DLG2: variants seen among roughly 807,000 people sequenced by gnomAD.
The protein encoded by DLG2 is disks large homolog 2.
A neutral mutation model predicts 132.5 loss-of-function variants in DLG2; 45 were observed. The observed-to-expected ratio is 0.34, with a 90% CI of 0.27 to 0.44. The LOEUF is 0.44. Among genes scored for constraint, DLG2 ranks in the 20% least tolerant of loss-of-function variants. The pLI is 1.00. For missense variants in DLG2, 1,045 were observed against 1,196.9 expected, an observed-to-expected ratio of 0.87 and a Z score of 1.87; for synonymous variants, 424 against 419.6, an observed-to-expected ratio of 1.01 and a Z score of -0.13.
intron 8 of DLG2, among the ~76,000 whole-genome samples, chr11:84,225,968 G>C (rs553466786): frequency 1.7e-4 from 26 of 152,034 alleles, no homozygotes; most frequent in African/African-American, 6.3e-4. Flanking sequence ...AGGCCACCAC[G>C]CCTGGCTAAT....
chr11:84,560,886 C>G (rs2099427261), intron 6 of DLG2, among the ~76,000 whole-genome samples: 1 of 152,032 alleles, frequency 6.6e-6, no homozygotes, highest in Non-Finnish European at 1.5e-5. Context: ...CTTGATACTG[C>G]ATTTTTAAAT....
At chr11:84,545,222 CA>C (rs1442863521) in intron 6 of DLG2, 1 of 465,606 alleles carries the variant, frequency 2.1e-6, no homozygotes, top group African/African-American at 2.0e-5. Context: ...TGTCCTTCAT[CA>C]CCAGAGGGGC....
intron 6 of DLG2, among the ~76,000 whole-genome samples, chr11:84,614,247 T>C (rs1449166944): frequency 1.3e-5 from 2 of 152,144 alleles, no homozygotes; most frequent in African/African-American, 4.8e-5. Context: ...TAATAGAGGC[T>C]GGGAAGATTG....
intron 6 of DLG2, among the ~76,000 whole-genome samples, chr11:85,067,179 TC>T (rs1455621164): frequency 1.3e-5 from 2 of 151,898 alleles, no homozygotes; most frequent in African/African-American, 4.8e-5. Flanking sequence ...TTCTGTGGGA[TC>T]AGTGGTGATA....
chr11:85,389,106 A>C (rs1156842072), intron 3 of DLG2, among the ~76,000 whole-genome samples: 1 of 152,138 alleles, frequency 6.6e-6, no homozygotes, highest in African/African-American at 2.4e-5. Context: ...TTTTTAAAAA[A>C]GATACAGGAT....
At position 84,311,739 on chromosome 11, in the gene DLG2, G is replaced by A. The variant is rs142199812; in HGVS notation, c.520-60448C>T. On this transcript the variant is annotated intron_variant, in intron 7 of 27. Transcript: ENST00000376104. ...ATGAAGTCCTCATCAAGGTCCACCC[G>A]GCTATCTCTGACCAGGCCCCACCCT... Among the ~76,000 whole-genome samples, 363 of 152,228 alleles carry A rather than the reference G, an allele frequency of 2.4e-3. 1 individual carries two copies. Among genetic ancestry groups the A allele is most frequent in the African/African-American group, 8.5e-3 (351 of 41,530 alleles).
intron 9 of DLG2, among the ~76,000 whole-genome samples, chr11:84,120,845 CTT>C (rs1174301658): frequency 6.6e-6 from 1 of 152,150 alleles, no homozygotes; most frequent in Non-Finnish European, 1.5e-5. Context: ...AGTGTGTAAA[CTT>C]ATATTATGTA....
At chr11:85,553,389 A>T (rs1037368654) in intron 3 of DLG2, among the ~76,000 whole-genome samples, 1 of 151,618 alleles carries the variant, frequency 6.6e-6, no homozygotes, top group African/African-American at 2.4e-5. Flanking sequence ...TAAATATATA[A>T]ATAATAGACA....
At chr11:83,558,142 T>C (rs1294682352) in intron 19 of DLG2, among the ~76,000 whole-genome samples, 1 of 152,204 alleles carries the variant, frequency 6.6e-6, no homozygotes, top group Admixed American at 6.5e-5. Flanking sequence ...GCTCTAGTTG[T>C]AGTCCCTTAC....
intron 10 of DLG2, among the ~76,000 whole-genome samples, chr11:84,060,261 G>A (rs1040345703): frequency 6.6e-6 from 1 of 152,086 alleles, no homozygotes; most frequent in African/African-American, 2.4e-5. Context: ...GCAGTGAGCC[G>A]AGATCACGCC....
chr11:84,516,783 A>G (rs1291995235), intron 7 of DLG2, among the ~76,000 whole-genome samples: 4 of 151,344 alleles, frequency 2.6e-5, no homozygotes, highest in South Asian at 4.1e-4. Context: ...AAGAAACTAC[A>G]GAACAATATT....
intron 18 of DLG2, among the ~76,000 whole-genome samples, chr11:83,698,294 A>G (rs553996776): frequency 6.6e-6 from 1 of 152,336 alleles, no homozygotes; most frequent in South Asian, 2.1e-4. Context: ...ACTGAAATGA[A>G]ATATATAGAT....
chr11:85,237,425 G>A (rs1196684807), intron 4 of DLG2, among the ~76,000 whole-genome samples: 1 of 151,894 alleles, frequency 6.6e-6, no homozygotes, highest in Non-Finnish European at 1.5e-5. Context: ...TTCATATAGG[G>A]TCTGTGAAAA....
intron 4 of DLG2, among the ~76,000 whole-genome samples, chr11:85,181,469 T>C (rs1292685974): frequency 2.0e-5 from 3 of 151,800 alleles, no homozygotes; most frequent in South Asian, 2.1e-4. Context: ...TAATTTTCTA[T>C]GACTTACTCT....
intron 6 of DLG2, among the ~76,000 whole-genome samples, chr11:84,848,647 A>T (rs1343649914): frequency 6.6e-6 from 1 of 152,152 alleles, no homozygotes; most frequent in Non-Finnish European, 1.5e-5. Context: ...TCCCTGGTTC[A>T]TAGTTCTATA....
intron 3 of DLG2, among the ~76,000 whole-genome samples, chr11:85,560,005 C>A (rs200781926): frequency 6.6e-6 from 1 of 151,536 alleles, no homozygotes; most frequent in African/African-American, 2.4e-5. Context: ...ATGAGAAAAC[C>A]ATTTATTATA....
intron 19 of DLG2, among the ~76,000 whole-genome samples, chr11:83,624,684 A>G (rs1336103142): frequency 6.6e-6 from 1 of 152,238 alleles, no homozygotes; most frequent in East Asian, 1.9e-4. Flanking sequence ...AAGCCTGTGA[A>G]CTAGGTACTA....
At chr11:84,940,806 C>CCAAT (rs1469096117) in intron 6 of DLG2, among the ~76,000 whole-genome samples, 19 of 152,228 alleles carry the variant, frequency 1.2e-4, no homozygotes, top group African/African-American at 4.6e-4. Context: ...ATTGCCCAGA[C>CCAAT]CAATGACCTA....
chr11:84,606,036 T>C (rs1345460862), intron 6 of DLG2, among the ~76,000 whole-genome samples: 1 of 152,102 alleles, frequency 6.6e-6, no homozygotes, highest in Admixed American at 6.6e-5. Flanking sequence ...TACTTTTCTT[T>C]GTTTTCCTAG....
Sources: gnomAD v4.1 joint callset for allele counts (sites outside exome capture counted in the v4.1 genomes callset) on GRCh38, gnomAD v4.1.1 for gene constraint, MANE v1.5 for transcripts, NCBI Gene and HGNC (gene_info 2026-07-23, HGNC 2026-07-21) for gene names.